TAF8: variants seen among roughly 807,000 people sequenced by gnomAD.
The protein encoded by TAF8 is TATA-box binding protein associated factor 8, also known as transcription initiation factor TFIID subunit 8.
In TAF8, 47 loss-of-function variants were observed where a neutral mutation model predicts 36.5. That is an observed-to-expected ratio of 1.29 (90% CI 1.02 to 1.64). TAF8 has a LOEUF of 1.64. TAF8 is among the 40% of genes most tolerant of loss of function. The pLI is 0.00. For synonymous variants in TAF8, 175 were observed against 159.5 expected, an observed-to-expected ratio of 1.10 and a Z score of -0.73; for missense variants, 420 against 407.6, an observed-to-expected ratio of 1.03 and a Z score of -0.26.
Position 42,080,412 on chromosome 6 carries a change from G to A in TAF8, c.*2867G>A, listed in dbSNP as rs933264988. 1.6e-4 allele frequency: 154 copies of A among 944,490 alleles called. No individual in the cohort carries two copies. In the Middle Eastern group the frequency reaches 3.8e-3, roughly 24 times the overall value. The allele number at this position is 944,490 out of a possible 1,614,324, so 58.5% of individuals were successfully genotyped here. A position where few individuals can be genotyped will look rare whatever the true frequency, so the allele number is the denominator to read the frequency against. On this transcript the variant is annotated 3_prime_UTR_variant, in exon 9 of 9. Coordinates refer to ENST00000372977, the MANE Select transcript of TAF8 (RefSeq NM_138572.3). ...TTTGAGACGGCATCTCACTCTTATC[G>A]CCCAGGCTGGAGTGCAATGGCGTGA...
At position 42,078,331 on chromosome 6, in the gene TAF8, C is replaced by T. The variant is rs1188283001; in HGVS notation, c.*786C>T. Reference sequence around the variant, plus strand: ...AAGGAAAGGGCTCTTTGCTGCTGTGCTTATTACAAGGAAGACTGTTTGTCC... The same window carrying T: ...AAGGAAAGGGCTCTTTGCTGCTGTGTTTATTACAAGGAAGACTGTTTGTCC... On this transcript the variant is annotated 3_prime_UTR_variant, in exon 9 of 9. Coordinates refer to ENST00000372977, the MANE Select transcript of TAF8 (RefSeq NM_138572.3). 4.1e-6 allele frequency: 4 copies of T among 984,888 alleles called. No individual in the cohort carries two copies. In the African/African-American group the frequency reaches 7.0e-5, roughly 17 times the overall value. The allele number at this position is 984,888 out of a possible 1,614,324, so 61.0% of individuals were successfully genotyped here. A position where few individuals can be genotyped will look rare whatever the true frequency, so the allele number is the denominator to read the frequency against.
Position 42,057,388 on chromosome 6 carries a change from G to C in TAF8, c.365-1G>C. The C allele has an allele frequency of 6.2e-7, 1 of 1,614,050 alleles. No homozygotes were observed. Among genetic ancestry groups the C allele is most frequent in the Non-Finnish European group, 8.5e-7 (1 of 1,180,012 alleles). On this transcript the variant is annotated splice_acceptor_variant, in intron 4 of 8. Transcript: ENST00000372977. LOFTEE classifies it high-confidence loss of function. Reference sequence around the variant, plus strand: ...GGTAATCAGTTGTGACTCTGTTGCAGCTCCGGTGACCAATCAGCCAGTGAC... The same window carrying C: ...GGTAATCAGTTGTGACTCTGTTGCACCTCCGGTGACCAATCAGCCAGTGAC...
Position 42,051,402 on chromosome 6 carries a change from C to G in TAF8, c.91C>G (p.Leu31Val). Reference protein sequence around the residue: ...QSTNPADNYHLARRRTLQVVV... With the variant: ...QSTNPADNYHVARRRTLQVVV... ...CACTAACCCTGCCGATAACTATCAT[C>G]TGGCCCGGAGGAGAACCCTGCAGGT... The change falls in exon 2 of 9, where the codon CTG becomes GTG. Residue 31 changes from leucine to valine, a missense_variant. Transcript: ENST00000372977. 1 of 1,614,156 alleles carries G rather than the reference C, an allele frequency of 6.2e-7. No homozygotes were observed. Among genetic ancestry groups the G allele is most frequent in the Non-Finnish European group, 8.5e-7 (1 of 1,180,002 alleles).
In TAF8 at chr6:42,050,564, C is replaced by T. The variant is rs748678333; in HGVS notation, c.23C>T (p.Ala8Val). Residue 8 changes from alanine to valine, a missense_variant, in exon 1 of 9, where the codon GCT (alanine) becomes GTT (valine). Ala to Val is a moderately conservative substitution (Grantham distance 64, BLOSUM62 0). Coordinates refer to ENST00000372977, the MANE Select transcript of TAF8 (RefSeq NM_138572.3). The stretch of plus-strand genomic sequence containing the variant: ...AAGATGGCCGACGCGGCGGCCACAG[C>T]TGGGGCCGGTGGCTCCGGAACGGTA... MADAAATAGAGGSGTRSG... is the reference protein window; with the variant it reads MADAAATVGAGGSGTRSG... The T allele has an allele frequency of 1.9e-6, 3 of 1,556,622 alleles. No homozygotes were observed. Among genetic ancestry groups the T allele is most frequent in the Non-Finnish European group, 2.6e-6 (3 of 1,150,532 alleles).
chr6:42,075,664 C>G (rs2493838), intron 7 of TAF8, among the ~76,000 whole-genome samples: 30,158 of 151,870 alleles, frequency 0.2, 3,082 homozygotes, highest in Admixed American at 0.23. Flanking sequence ...ATGACTTCTT[C>G]CCCGTGGAAG....
chr6:42,071,531 G>A (rs1314872767), intron 7 of TAF8: 3 of 156,696 alleles, frequency 1.9e-5, no homozygotes, highest in Non-Finnish European at 4.2e-5. Context: ...TCACCGTGTT[G>A]GTCACGCTGG....
At position 42,068,386 on chromosome 6, in the gene TAF8, T is replaced by A. The variant is rs764049756; in HGVS notation, c.638-79T>A. The A allele has an allele frequency of 2.0e-6, 3 of 1,522,700 alleles. No individual in the cohort carries two copies. In the East Asian group the frequency reaches 6.8e-5, roughly 34 times the overall value. 94.3% of individuals were successfully genotyped at this position (1,522,700 alleles called of 1,614,324 possible). A position where few individuals can be genotyped will look rare whatever the true frequency, so the allele number is the denominator to read the frequency against. The stretch of plus-strand genomic sequence containing the variant: ...TATCTTCTGGTGCTGCTCACTGATT[T>A]GTTGTGAGGCTCTAGGACTCTAAGC... On this transcript the variant is annotated intron_variant, in intron 6 of 8. Coordinates refer to ENST00000372977, the MANE Select transcript of TAF8 (RefSeq NM_138572.3).
intron 1 of TAF8, chr6:42,050,826 C>T: frequency 1.0e-6 from 1 of 966,546 alleles, no homozygotes; most frequent in Non-Finnish European, 1.4e-6. Flanking sequence ...GGAACACCCC[C>T]GATTGGTCTG....
intron 2 of TAF8, among the ~76,000 whole-genome samples, chr6:42,054,715 G>A (rs929605685): frequency 2.0e-5 from 3 of 150,098 alleles, no homozygotes; most frequent in South Asian, 2.1e-4. Flanking sequence ...AGGTTCAAGC[G>A]ATTTTCAGCC....
In TAF8 at chr6:42,079,903, TGGG is replaced by T. The variant is rs1765870634; in HGVS notation, c.*2360_*2362del. ...GGTGAATTTGGAAACTTGAAAAACT[TGGG>T]GACTTGACAGCAGGCTCCATGTTCT... On this transcript the variant is annotated 3_prime_UTR_variant, in exon 9 of 9. Transcript: ENST00000372977. 1 of 985,054 alleles carries T rather than the reference TGGG, an allele frequency of 1.0e-6. No individual in the cohort carries two copies. Among genetic ancestry groups the T allele is most frequent in the South Asian group, 4.7e-5 (1 of 21,278 alleles). The allele number at this position is 985,054 out of a possible 1,614,324, so 61.0% of individuals were successfully genotyped here.
intron 1 of TAF8, 159 bp from the exon 2 acceptor site, chr6:42,051,198 A>G (rs149515714): frequency 4.3e-5 from 56 of 1,295,834 alleles, no homozygotes; most frequent in African/African-American, 2.7e-4. Flanking sequence ...TGGGTGCTCA[A>G]TTTTTACTCA....
chr6:42,053,995 C>T (rs1242010204), intron 2 of TAF8, among the ~76,000 whole-genome samples: 2 of 152,292 alleles, frequency 1.3e-5, no homozygotes, highest in South Asian at 2.1e-4. Flanking sequence ...TCAAGTACCA[C>T]TTGCTTTTAT....
rs762883922 is a variant in TAF8, at chr6:42,050,586, G to T, written c.45G>T (p.Thr15=). The T allele has an allele frequency of 1.7e-5, 26 of 1,554,846 alleles. No individual in the cohort carries two copies. Among genetic ancestry groups the T allele is most frequent in the Non-Finnish European group, 2.0e-5 (23 of 1,149,740 alleles). The part of the protein sequence containing the change: ...AATAGAGGSG[T]RSGSKQSTNP... Reference sequence around the variant, plus strand: ...CAGCTGGGGCCGGTGGCTCCGGAACGGTAAGGGCAGGAAGCGCGGGCTCGG... The same window carrying T: ...CAGCTGGGGCCGGTGGCTCCGGAACTGTAAGGGCAGGAAGCGCGGGCTCGG... The change falls in exon 1 of 9, where the codon ACG becomes ACT. Residue 15 remains threonine, a splice_region_variant and synonymous_variant. Transcript: ENST00000372977.
intron 6 of TAF8, among the ~76,000 whole-genome samples, chr6:42,067,770 G>T (rs914647701): frequency 6.6e-6 from 1 of 151,586 alleles, no homozygotes; most frequent in Non-Finnish European, 1.5e-5. Context: ...TCACCATGTT[G>T]CCCAGGCTGG....
chr6:42,081,090 C>A lies in TAF8; in HGVS notation c.*3545C>A. On this transcript the variant is annotated 3_prime_UTR_variant, in exon 9 of 9. Transcript: ENST00000372977. The stretch of plus-strand genomic sequence containing the variant: ...GAACCCCTGTATATGCCTCATCAAG[C>A]TTCCACACTTGTCAGTAGCTTGTTG... The A allele has an allele frequency of 2.7e-6, 1 of 371,800 alleles. No homozygotes were observed. Among genetic ancestry groups the A allele is most frequent in the Non-Finnish European group, 3.7e-6 (1 of 269,614 alleles). The allele number at this position is 371,800 out of a possible 1,614,324, so 23.0% of individuals were successfully genotyped here. A position where few individuals can be genotyped will look rare whatever the true frequency, so the allele number is the denominator to read the frequency against.
intron 7 of TAF8, chr6:42,071,526 G>A (rs2493837): frequency 0.76 from 118,584 of 156,914 alleles, 45,110 homozygotes; most frequent in East Asian, 0.91. Context: ...GGGTTTCACC[G>A]TGTTGGTCAC....
chr6:42,051,570 T>G (rs546685508), intron 2 of TAF8, 57 bp downstream of exon 2: 1 of 1,557,750 alleles, frequency 6.4e-7, no homozygotes, highest in African/African-American at 1.4e-5. Context: ...TTCTGTGCCC[T>G]GCTTTGTGAT....
intron 6 of TAF8, among the ~76,000 whole-genome samples, chr6:42,066,947 C>T (rs2493833): frequency 0.64 from 96,591 of 152,028 alleles, 30,738 homozygotes; most frequent in Admixed American, 0.67. Context: ...GTGGAACGCC[C>T]GCTGTGTGCC....
rs531479788 is a variant in TAF8, at chr6:42,078,467, G to A, written c.*922G>A. The A allele has an allele frequency of 9.1e-6, 9 of 985,444 alleles. No homozygotes were observed. In the African/African-American group the frequency reaches 1.2e-4, roughly 13 times the overall value. 61.0% of individuals were successfully genotyped at this position (985,444 alleles called of 1,614,324 possible). A position where few individuals can be genotyped will look rare whatever the true frequency, so the allele number is the denominator to read the frequency against. On this transcript the variant is annotated 3_prime_UTR_variant, in exon 9 of 9. Coordinates refer to ENST00000372977, the MANE Select transcript of TAF8 (RefSeq NM_138572.3). Reference sequence around the variant, plus strand: ...TCTCTCCTCATCTGGCCTCCCAAGTGCTCCGTTGAGCTGATGAAAAGTTCT... The same window carrying A: ...TCTCTCCTCATCTGGCCTCCCAAGTACTCCGTTGAGCTGATGAAAAGTTCT...
Sources: gnomAD v4.1 joint callset for allele counts (sites outside exome capture counted in the v4.1 genomes callset) on GRCh38, gnomAD v4.1.1 for gene constraint, MANE v1.5 for transcripts, NCBI Gene and HGNC (gene_info 2026-07-23, HGNC 2026-07-21) for gene names.